ARHGEF7: variants seen among roughly 807,000 people sequenced by gnomAD.
ARHGEF7 encodes the protein PAK-interacting exchange factor beta.
In ARHGEF7, 33 loss-of-function variants were observed where a neutral mutation model predicts 109.8. The observed-to-expected ratio is 0.30, with a 90% CI of 0.23 to 0.40. ARHGEF7 has a LOEUF of 0.40. ARHGEF7 is among the 10% of genes least tolerant of loss of function. The probability of loss-of-function intolerance (pLI) is 1.00; values close to 1 mark genes in which losing one functional copy is unlikely to be tolerated. For missense variants in ARHGEF7, 938 were observed against 1,098.5 expected, an observed-to-expected ratio of 0.85 and a Z score of 2.07; for synonymous variants, 458 against 424.6, an observed-to-expected ratio of 1.08 and a Z score of -0.97.
In ARHGEF7 at chr13:111,280,546, A is replaced by C. The variant is rs2092723785; in HGVS notation, c.1594A>C (p.Ile532Leu). The stretch of plus-strand genomic sequence containing the variant: ...TTCCTTCTCTCCTATAGGGAGCATG[A>C]TTGAGCGGATATTAGTGTCGTGCAA... Reference protein sequence around the residue: ...RNAFEISGSMIERILVSCNNQ... With the variant: ...RNAFEISGSMLERILVSCNNQ... Residue 532 changes from isoleucine to leucine, a missense_variant, in exon 15 of 22, where the codon ATT becomes CTT. By Grantham distance (5) the Ile-to-Leu change is conservative. Around this residue, in one of 4 missense-constraint regions of ARHGEF7, gnomAD observed 585 missense variants for 723.6 expected, o/e 0.81. Transcript: ENST00000646102. The C allele has an allele frequency of 6.2e-7, 1 of 1,605,636 alleles. No individual in the cohort carries two copies. The highest frequency in any genetic ancestry group is 8.5e-7 in the Non-Finnish European group (1 of 1,176,722).
chr13:111,207,294 C>T (rs933800866), intron 3 of ARHGEF7, among the ~76,000 whole-genome samples: 3 of 152,194 alleles, frequency 2.0e-5, no homozygotes, highest in Non-Finnish European at 2.9e-5. Context: ...TCGGCCTCCT[C>T]AGCAGCTGGG....
intron 12 of ARHGEF7, 167 bp downstream of exon 12, chr13:111,275,845 GT>G: frequency 1.2e-6 from 1 of 828,596 alleles, no homozygotes; most frequent in Non-Finnish European, 1.9e-6. Flanking sequence ...CTTATGGCAT[GT>G]TAGAGAGGCT....
chr13:111,146,504 T>C (rs575487813), intron 1 of ARHGEF7, among the ~76,000 whole-genome samples: 1 of 152,348 alleles, frequency 6.6e-6, no homozygotes, highest in African/African-American at 2.4e-5. Flanking sequence ...TCCTGGGCTG[T>C]ACTTCAGATC....
rs1250225948 is a variant in ARHGEF7 at position 111,239,369 on chromosome 13, G to C, written c.760-4503G>C. 6.6e-6 allele frequency among the ~76,000 whole-genome samples: 1 copy of C among 152,086 alleles called. No individual in the cohort carries two copies. The highest frequency in any genetic ancestry group is 1.5e-5 in the Non-Finnish European group (1 of 68,028). ...TTAGATGCCATCACACACATCCACG[G>C]GCCTTTCCTGTGCTCCAGAGAAGCC... On this transcript the variant is annotated intron_variant, in intron 6 of 21. Transcript: ENST00000646102. This position sits in a 1 kb window ranked among gnomAD's most constrained non-coding sequence, Gnocchi z 4.3.
chr13:111,136,769 A>G (rs2075107249), intron 1 of ARHGEF7, among the ~76,000 whole-genome samples: 1 of 152,228 alleles, frequency 6.6e-6, no homozygotes, highest in African/African-American at 2.4e-5. Flanking sequence ...GGAGATAGAG[A>G]CACAAAAAAC....
intron 5 of ARHGEF7, among the ~76,000 whole-genome samples, chr13:111,224,985 C>G (rs991588017): frequency 6.6e-6 from 1 of 152,116 alleles, no homozygotes; most frequent in Admixed American, 6.5e-5. Flanking sequence ...TATGGGCCCC[C>G]CGAGGCAGGC....
intron 8 of ARHGEF7, among the ~76,000 whole-genome samples, chr13:111,253,189 C>T (rs1367817838): frequency 6.6e-6 from 1 of 152,188 alleles, no homozygotes; most frequent in Non-Finnish European, 1.5e-5. Context: ...CGGAGAATTC[C>T]CTGTACTACA....
intron 19 of ARHGEF7, chr13:111,294,792 T>C (rs376951124): frequency 8.1e-6 from 8 of 985,696 alleles, no homozygotes; most frequent in East Asian, 2.3e-4. Flanking sequence ...AGTATTCTAA[T>C]GAAAGGATGA....
intron 8 of ARHGEF7, among the ~76,000 whole-genome samples, chr13:111,251,027 C>T (rs1021843491): frequency 2.0e-5 from 3 of 152,200 alleles, no homozygotes; most frequent in African/African-American, 4.8e-5. Context: ...TGCTGAGTGG[C>T]ATGATCTCCA....
chr13:111,176,243 A>T (rs1408191433), intron 2 of ARHGEF7, among the ~76,000 whole-genome samples: 2 of 152,178 alleles, frequency 1.3e-5, no homozygotes, highest in African/African-American at 4.8e-5. Context: ...GGAGGATTTT[A>T]AGCCTGATCT....
In ARHGEF7 at chr13:111,221,267, ATATG is replaced by A. The variant is rs1566869658; in HGVS notation, c.670+3389_670+3392del. Among the ~76,000 whole-genome samples the A allele has an allele frequency of 2.1e-4, 11 of 53,312 alleles. 2 individuals carry two copies. The highest frequency in any genetic ancestry group is 9.9e-4 in the African/African-American group (11 of 11,080). The allele number at this position is 53,312 out of a possible 152,430, so 35.0% of individuals were successfully genotyped here. On this transcript the variant is annotated intron_variant, in intron 5 of 21. Transcript: ENST00000646102. The stretch of plus-strand genomic sequence containing the variant: ...TGTCTATATATATCTATATAGATAT[ATATG>A]TCTATATATATCTATATAGATATAT...
intron 2 of ARHGEF7, among the ~76,000 whole-genome samples, chr13:111,167,982 CAG>C (rs1305063726): frequency 6.6e-6 from 1 of 152,316 alleles, no homozygotes; most frequent in East Asian, 1.9e-4. Flanking sequence ...CTTGCTGTGA[CAG>C]TGTGGAGTTA....
intron 15 of ARHGEF7, among the ~76,000 whole-genome samples, chr13:111,282,253 T>C (rs1290662242): frequency 2.6e-5 from 4 of 152,188 alleles, no homozygotes; most frequent in Non-Finnish European, 1.5e-5. Context: ...CCGGCCCCAC[T>C]CCGTTTCCAG....
rs118032125 is a variant in ARHGEF7, at chr13:111,215,231, G to A, written c.469-2448G>A. ...TTCTGAGTGCTGGTTCTTAAGGAGT[G>A]CTTTCTAATGCGGATAGTTGTTAAG... On this transcript the variant is annotated intron_variant, in intron 4 of 21. Coordinates refer to ENST00000646102, the MANE Select transcript of ARHGEF7 (RefSeq NM_001354046.2). Among the ~76,000 whole-genome samples the A allele has an allele frequency of 2.7e-4, 41 of 152,204 alleles. 1 individual carries two copies. The East Asian group carries it at 7.7e-3, about 29-fold the overall frequency.
Position 111,145,804 on chromosome 13 carries a change from C to T in ARHGEF7, c.166-8101C>T, listed in dbSNP as rs377588582. Among the ~76,000 whole-genome samples the T allele has an allele frequency of 2.6e-5, 4 of 152,194 alleles. No homozygotes were observed. Among genetic ancestry groups the T allele is most frequent in the South Asian group, 2.1e-4 (1 of 4,826 alleles). On this transcript the variant is annotated intron_variant, in intron 1 of 21. Coordinates refer to ENST00000646102, the MANE Select transcript of ARHGEF7 (RefSeq NM_001354046.2). The surrounding 1 kb of genome is among the most constrained non-coding windows in gnomAD (Gnocchi z 4.3). ...GGCTGGTGCAGGTTGGTGAAATCCA[C>T]GGGCTGTGTAGTTTTGGACCTGACA... is the stretch of plus-strand genomic sequence containing the variant.
In ARHGEF7 at chr13:111,191,969, G is replaced by T. The variant is rs1396244426; in HGVS notation, c.253-13320G>T. On this transcript the variant is annotated intron_variant, in intron 2 of 21. Coordinates refer to ENST00000646102, the MANE Select transcript of ARHGEF7 (RefSeq NM_001354046.2). The stretch of plus-strand genomic sequence containing the variant: ...TAATCATATGATGAAATAGTAAAAG[G>T]ATTCCATTAAAGGGTTAAGGAGAGG... Among the ~76,000 whole-genome samples the T allele has an allele frequency of 2.0e-5, 3 of 152,186 alleles. No homozygotes were observed. The East Asian group carries it at 5.8e-4, about 29-fold the overall frequency.
At chr13:111,240,988 T>C (rs2087674361) in intron 6 of ARHGEF7, among the ~76,000 whole-genome samples, 1 of 152,186 alleles carries the variant, frequency 6.6e-6, no homozygotes, top group African/African-American at 2.4e-5. Flanking sequence ...TAAGTACTCC[T>C]TTAATGATGC....
At chr13:111,277,742 G>T (rs1035840012) in intron 13 of ARHGEF7, 69 bp downstream of exon 13, 7 of 1,116,322 alleles carry the variant, frequency 6.3e-6, no homozygotes, top group African/African-American at 3.1e-5. Flanking sequence ...TTTGAATTTT[G>T]TGTTAAATAT....
At chr13:111,240,244 G>A (rs1199308649) in intron 6 of ARHGEF7, among the ~76,000 whole-genome samples, 1 of 152,158 alleles carries the variant, frequency 6.6e-6, no homozygotes, top group African/African-American at 2.4e-5. Context: ...AGGAGCCATT[G>A]CCTATAAACC....
Sources: allele counts gnomAD v4.1 joint callset (sites outside exome capture counted in the v4.1 genomes callset), GRCh38; gene constraint gnomAD v4.1.1; regional missense constraint gnomAD v4.1.1; non-coding constraint Gnocchi (gnomAD v3.1); transcripts MANE v1.5; gene names NCBI Gene and HGNC (gene_info 2026-07-23, HGNC 2026-07-21).